GRM7: variants seen among roughly 807,000 people sequenced by gnomAD.
The protein encoded by GRM7 is metabotropic glutamate receptor 7.
Under a neutral mutation model 84.5 loss-of-function variants are expected in GRM7, and 35 were observed. The ratio of observed to expected loss-of-function variants is 0.41; its 90% confidence interval spans 0.32 to 0.55. The LOEUF (loss-of-function observed/expected upper bound fraction) is 0.55, where lower values mean the gene tolerates loss of function less well. Ranked by LOEUF, GRM7 falls within the 20% of genes least tolerant of loss-of-function variation. The pLI, the probability that GRM7 is intolerant of heterozygous loss-of-function variation, is 0.19. For missense variants in GRM7, 1,003 were observed against 1,194.6 expected, an observed-to-expected ratio of 0.84 and a Z score of 2.36; for synonymous variants, 487 against 455.1, an observed-to-expected ratio of 1.07 and a Z score of -0.89.
chr3:7,356,764 T>A (rs1325266004), intron 4 of GRM7, among the ~76,000 whole-genome samples: 1 of 152,094 alleles, frequency 6.6e-6, no homozygotes, highest in Non-Finnish European at 1.5e-5. Context: ...GTCTCAGGCC[T>A]TTGGCCTCAC....
chr3:7,374,770 C>G (rs1694277726), intron 4 of GRM7, among the ~76,000 whole-genome samples: 1 of 151,720 alleles, frequency 6.6e-6, no homozygotes. Flanking sequence ...GGATTACAGG[C>G]TTGAGCCACC....
At chr3:6,938,656 G>A (rs1436223831) in intron 1 of GRM7, among the ~76,000 whole-genome samples, 1 of 152,186 alleles carries the variant, frequency 6.6e-6, no homozygotes, top group African/African-American at 2.4e-5. Flanking sequence ...GGAGAGGGAC[G>A]TGTTAGCAGG....
At position 7,324,944 on chromosome 3, in the gene GRM7, T is replaced by C. The variant is rs116782216; in HGVS notation, c.1033+18292T>C. Among the ~76,000 whole-genome samples, 864 of 152,318 alleles carry C rather than the reference T, an allele frequency of 5.7e-3. 9 individuals are homozygous for C. The highest frequency in any genetic ancestry group is 0.019 in the African/African-American group (803 of 41,570). ...CTTCCAGTATATATCAGCCAGGTCC[T>C]GCAGCTTTTCCAACGTGTAATTTAT... On this transcript the variant is annotated intron_variant, in intron 4 of 9. Coordinates refer to ENST00000357716, the MANE Select transcript of GRM7 (RefSeq NM_000844.4).
chr3:6,861,457 G>T lies in GRM7; in HGVS notation c.69G>T (p.Val23=). 3.1e-6 allele frequency: 5 copies of T among 1,597,982 alleles called. No homozygotes were observed. Among genetic ancestry groups the T allele is most frequent in the Non-Finnish European group, 4.3e-6 (5 of 1,174,362 alleles). ...LMKFPCCVLE[V]LLCALAAAAR... is the part of the protein sequence containing the mutation. ...AGTTCCCCTGCTGCGTGCTGGAGGT[G>T]CTCCTGTGCGCGCTGGCGGCGGCGG... The change falls in exon 1 of 10, where the codon GTG becomes GTT. Residue 23 remains valine (V), a synonymous_variant. Transcript: ENST00000357716. The surrounding 1 kb of genome is among the most constrained non-coding windows in gnomAD (Gnocchi z 6.4).
At chr3:7,050,766 G>C (rs559749467) in intron 1 of GRM7, among the ~76,000 whole-genome samples, 2 of 151,862 alleles carry the variant, frequency 1.3e-5, no homozygotes, top group African/African-American at 4.8e-5. Flanking sequence ...CATCAGTCAG[G>C]ATTTGGAAAT....
intron 1 of GRM7, among the ~76,000 whole-genome samples, chr3:7,020,499 A>G (rs527914984): frequency 6.6e-6 from 1 of 152,336 alleles, no homozygotes; most frequent in South Asian, 2.1e-4. Context: ...ATTGGGCTTC[A>G]TTGTTCAAAT....
chr3:7,019,328 G>A (rs12495883), intron 1 of GRM7, among the ~76,000 whole-genome samples: 62,783 of 151,778 alleles, frequency 0.41, 14,051 homozygotes, highest in South Asian at 0.58. Context: ...TTACGTTAGG[G>A]TTCACTCTTG....
intron 2 of GRM7, among the ~76,000 whole-genome samples, chr3:7,179,775 A>T (rs980703695): frequency 2.6e-5 from 4 of 152,212 alleles, no homozygotes; most frequent in African/African-American, 9.6e-5. Flanking sequence ...ACTAAGTCAT[A>T]TTTAAGGGAG....
chr3:7,320,263 A>G (rs1381480255), intron 4 of GRM7, among the ~76,000 whole-genome samples: 1 of 152,002 alleles, frequency 6.6e-6, no homozygotes, highest in Non-Finnish European at 1.5e-5. Flanking sequence ...ACAAATTAAC[A>G]AGAGAAAAGC....
intron 7 of GRM7, among the ~76,000 whole-genome samples, chr3:7,503,836 G>T (rs747829462): frequency 2.0e-5 from 3 of 152,036 alleles, no homozygotes; most frequent in Non-Finnish European, 4.4e-5. Context: ...CATCCTAACT[G>T]CTTTAATTAA....
chr3:6,885,563 C>A (rs1456063885), intron 1 of GRM7, among the ~76,000 whole-genome samples: 1 of 152,168 alleles, frequency 6.6e-6, no homozygotes, highest in Non-Finnish European at 1.5e-5. Context: ...CAAGCCCGAC[C>A]CCCAAAGCCT....
At chr3:7,334,818 A>G (rs1701341387) in intron 4 of GRM7, among the ~76,000 whole-genome samples, 1 of 152,154 alleles carries the variant, frequency 6.6e-6, no homozygotes, top group African/African-American at 2.4e-5. Flanking sequence ...AGTTAGATAA[A>G]GAGGAACATT....
chr3:7,250,779 C>T (rs1305063058), intron 2 of GRM7, among the ~76,000 whole-genome samples: 2 of 152,190 alleles, frequency 1.3e-5, no homozygotes, highest in East Asian at 3.9e-4. Context: ...CCACCTCAGC[C>T]TCCCAAAGTG....
At chr3:7,725,584 T>C (rs902587352) in intron 9 of GRM7, among the ~76,000 whole-genome samples, 4 of 152,184 alleles carry the variant, frequency 2.6e-5, no homozygotes, top group African/African-American at 9.7e-5. Flanking sequence ...ACCCAGGGCA[T>C]GGTGTTTACA....
At chr3:7,359,083 G>C (rs1353677289) in intron 4 of GRM7, among the ~76,000 whole-genome samples, 1 of 138,456 alleles carries the variant, frequency 7.2e-6, no homozygotes, top group Non-Finnish European at 1.5e-5. Flanking sequence ...CTGCACTCCA[G>C]CCTGAGTGAT....
At chr3:7,521,224 C>CTAGTTTTTCGA (rs1700580546) in intron 7 of GRM7, among the ~76,000 whole-genome samples, 1 of 152,186 alleles carries the variant, frequency 6.6e-6, no homozygotes, top group Non-Finnish European at 1.5e-5. Context: ...CATCTTTTCC[C>CTAGTTTTTCGA]AGGTTCCCAG....
rs567716604 is a variant in GRM7, at chr3:7,058,137, C to G, written c.520-88315C>G. Among the ~76,000 whole-genome samples the G allele has an allele frequency of 2.0e-5, 3 of 151,884 alleles. No individual in the cohort carries two copies. In the East Asian group the frequency reaches 5.9e-4, roughly 30 times the overall value. On this transcript the variant is annotated intron_variant, in intron 1 of 9. Coordinates refer to ENST00000357716, the MANE Select transcript of GRM7 (RefSeq NM_000844.4). ...TTGAAATCCAGAAACAGACTTTCGG[C>G]CTATTTGAGATGATTGACCATATTA...
At chr3:7,091,659 T>C (rs530239936) in intron 1 of GRM7, among the ~76,000 whole-genome samples, 1 of 136,198 alleles carries the variant, frequency 7.3e-6, no homozygotes, top group Admixed American at 7.4e-5. Context: ...GTTTTTGATA[T>C]GCTCTACCTT....
At chr3:7,686,583 A>T in intron 9 of GRM7, 1 of 594,064 alleles carries the variant, frequency 1.7e-6, no homozygotes, top group Non-Finnish European at 3.1e-6. Flanking sequence ...AAGATGATCG[A>T]TTTGATAAGC....
Sources: gnomAD v4.1 joint callset for allele counts (sites outside exome capture counted in the v4.1 genomes callset) on GRCh38, gnomAD v4.1.1 for gene constraint, Gnocchi (gnomAD v3.1) non-coding constraint, MANE v1.5 for transcripts, NCBI Gene and HGNC (gene_info 2026-07-23, HGNC 2026-07-21) for gene names.